Variants in FRMD4A observed in about 807,000 individuals in gnomAD.
FRMD4A encodes FERM domain containing 4A.
In FRMD4A, 29 loss-of-function variants were observed where a neutral mutation model predicts 129.1. The observed-to-expected ratio is 0.22, with a 90% confidence interval of 0.17 to 0.31. The LOEUF (loss-of-function observed/expected upper bound fraction) is 0.31, where lower values mean the gene tolerates loss of function less well. Among genes scored for constraint, FRMD4A ranks in the 10% least tolerant of loss-of-function variants. The pLI, the probability that FRMD4A is intolerant of heterozygous loss-of-function variation, is 1.00. For synonymous variants in FRMD4A, 634 were observed against 571.6 expected, an observed-to-expected ratio of 1.11 and a Z score of -1.56; for missense variants, 1,272 against 1,375.8, an observed-to-expected ratio of 0.92 and a Z score of 1.19.
At chr10:13,976,255 T>A (rs2095541756) in intron 2 of FRMD4A, among the ~76,000 whole-genome samples, 1 of 152,200 alleles carries the variant, frequency 6.6e-6, no homozygotes, top group Admixed American at 6.5e-5. Flanking sequence ...GTCTTGGTCC[T>A]GGGATTGCAC....
chr10:14,190,593 C>G (rs373568938), intron 2 of FRMD4A, among the ~76,000 whole-genome samples: 2 of 152,146 alleles, frequency 1.3e-5, no homozygotes, highest in Non-Finnish European at 2.9e-5. Flanking sequence ...CTTGTGTTGC[C>G]CAGTCTGGCC....
At chr10:14,008,598 T>A in intron 2 of FRMD4A, 1 of 713,562 alleles carries the variant, frequency 1.4e-6, no homozygotes, top group Non-Finnish European at 1.7e-6. Context: ...ATCACGTGAC[T>A]CCCAAGCCCC....
intron 2 of FRMD4A, among the ~76,000 whole-genome samples, chr10:13,996,700 C>G (rs1021925632): frequency 1.3e-5 from 2 of 152,182 alleles, no homozygotes; most frequent in African/African-American, 4.8e-5. Context: ...GTGTTGGCAC[C>G]TGTTACTTAC....
chr10:13,946,270 C>T (rs2095330688), intron 2 of FRMD4A, among the ~76,000 whole-genome samples: 1 of 152,218 alleles, frequency 6.6e-6, no homozygotes, highest in Non-Finnish European at 1.5e-5. Flanking sequence ...AAGAATCTTT[C>T]TGATGCCCTG....
chr10:13,944,254 A>C (rs2095315379), intron 2 of FRMD4A, among the ~76,000 whole-genome samples: 1 of 152,008 alleles, frequency 6.6e-6, no homozygotes, highest in African/African-American at 2.4e-5. Context: ...ACCTCCCATC[A>C]GATTAGCAGT....
intron 2 of FRMD4A, among the ~76,000 whole-genome samples, chr10:14,077,552 A>G (rs1306348221): frequency 6.6e-6 from 1 of 152,148 alleles, no homozygotes; most frequent in Non-Finnish European, 1.5e-5. Flanking sequence ...AAAAATGTCC[A>G]TTTCTGCACC....
Position 13,644,418 on chromosome 10 carries a change from TAACTG to T in FRMD4A, c.*2615_*2619del, listed in dbSNP as rs1353695616. On this transcript the variant is annotated 3_prime_UTR_variant, in exon 25 of 25. Coordinates refer to ENST00000357447, the MANE Select transcript of FRMD4A (RefSeq NM_018027.5). ...CTAACGTTTTATGTACATTTTGTAT[TAACTG>T]AACTCAGCTAAACAGTAAAACCTGT... 2 of 152,238 alleles carry T rather than the reference TAACTG, an allele frequency of 1.3e-5. No individual in the cohort carries two copies. Among genetic ancestry groups the T allele is most frequent in the African/African-American group, 4.8e-5 (2 of 41,460 alleles). The allele number at this position is 152,238 out of a possible 1,614,324, so 9.4% of individuals were successfully genotyped here. A position where few individuals can be genotyped will look rare whatever the true frequency, so the allele number is the denominator to read the frequency against.
intron 3 of FRMD4A, among the ~76,000 whole-genome samples, chr10:13,844,687 G>C (rs1424963960): frequency 6.6e-6 from 1 of 152,206 alleles, no homozygotes; most frequent in Non-Finnish European, 1.5e-5. Flanking sequence ...AGTTTGAAGT[G>C]GCACTTTGGC....
chr10:14,245,453 T>C (rs1366644916), intron 2 of FRMD4A, among the ~76,000 whole-genome samples: 2 of 152,152 alleles, frequency 1.3e-5, no homozygotes, highest in Non-Finnish European at 2.9e-5. Flanking sequence ...TTTGCAGCAT[T>C]CAAAGAGAGG....
At chr10:14,175,834 A>G (rs1371830744) in intron 2 of FRMD4A, among the ~76,000 whole-genome samples, 1 of 152,064 alleles carries the variant, frequency 6.6e-6, no homozygotes, top group East Asian at 1.9e-4. Context: ...CCAATTTTCT[A>G]TTCTTAACTC....
At chr10:13,899,805 C>T (rs943144696) in intron 2 of FRMD4A, among the ~76,000 whole-genome samples, 2 of 152,176 alleles carry the variant, frequency 1.3e-5, no homozygotes, top group Admixed American at 1.3e-4. Flanking sequence ...CACTGGCGGT[C>T]ACAGGCAGCA....
intron 15 of FRMD4A, among the ~76,000 whole-genome samples, chr10:13,686,803 G>C (rs572364681): frequency 1.3e-5 from 2 of 152,156 alleles, no homozygotes; most frequent in South Asian, 2.1e-4. Context: ...ACTTCTAGTC[G>C]AGAAGCCAAG....
At position 14,055,731 on chromosome 10, in the gene FRMD4A, G is replaced by A. The variant is rs565824615; in HGVS notation, c.46-196819C>T. ...GTCCATAGTAGGTGTATATATTTAC[G>A]GGGTACATGAGACGTTTTGATACAG... On this transcript the variant is annotated intron_variant, in intron 2 of 24. Coordinates refer to ENST00000357447, the MANE Select transcript of FRMD4A (RefSeq NM_018027.5). Among the ~76,000 whole-genome samples, 6 of 152,200 alleles carry A rather than the reference G, an allele frequency of 3.9e-5. No homozygotes were observed. The South Asian group carries it at 6.2e-4, about 16-fold the overall frequency.
intron 2 of FRMD4A, among the ~76,000 whole-genome samples, chr10:13,922,369 C>T (rs2131261733): frequency 6.6e-6 from 1 of 151,932 alleles, no homozygotes; most frequent in Admixed American, 6.6e-5. Flanking sequence ...AATGTCAGTA[C>T]ATGTATTATG....
chr10:14,126,767 T>C, intron 2 of FRMD4A, among the ~76,000 whole-genome samples: 1 of 152,028 alleles, frequency 6.6e-6, no homozygotes, highest in Non-Finnish European at 1.5e-5. Flanking sequence ...GAACAAAATG[T>C]GGGTCTTATA....
At chr10:14,191,910 T>G (rs1478986915) in intron 2 of FRMD4A, among the ~76,000 whole-genome samples, 6 of 152,248 alleles carry the variant, frequency 3.9e-5, no homozygotes, top group African/African-American at 1.4e-4. Flanking sequence ...TTCCTGTTTT[T>G]TCTTTATTCT....
chr10:14,087,676 C>A (rs1300809606), intron 2 of FRMD4A: 1 of 152,144 alleles, frequency 6.6e-6, no homozygotes, highest in Non-Finnish European at 1.5e-5. Flanking sequence ...TCAGCCCTGA[C>A]ACATTGATGT....
At chr10:14,097,540 G>C (rs1837042834) in intron 2 of FRMD4A, among the ~76,000 whole-genome samples, 1 of 152,090 alleles carries the variant, frequency 6.6e-6, no homozygotes, top group African/African-American at 2.4e-5. Flanking sequence ...AATTGCCCAA[G>C]GTTCAACAGC....
intron 3 of FRMD4A, among the ~76,000 whole-genome samples, chr10:13,811,642 A>G (rs192527802): frequency 3.3e-5 from 5 of 151,528 alleles, no homozygotes; most frequent in South Asian, 2.1e-4. Context: ...GTCATGGTAG[A>G]TGTTTGTATT....
Sources: gnomAD v4.1 joint callset for allele counts (sites outside exome capture counted in the v4.1 genomes callset) on GRCh38, gnomAD v4.1.1 for gene constraint, MANE v1.5 for transcripts, NCBI Gene and HGNC (gene_info 2026-07-23, HGNC 2026-07-21) for gene names.